Variants in FGF14 observed in about 807,000 individuals in gnomAD.
The protein encoded by FGF14 is fibroblast growth factor 14.
FGF14 carries 5 observed loss-of-function variants against 25.5 expected under a neutral mutation model. The observed-to-expected ratio is 0.20, with a 90% CI of 0.10 to 0.41. FGF14 has a LOEUF of 0.41. Among genes scored for constraint, FGF14 ranks in the 10% least tolerant of loss-of-function variants. FGF14 has a pLI of 1.00. For missense variants in FGF14, 222 were observed against 320.1 expected (o/e 0.69, Z 2.34); for synonymous variants, 138 against 118.3 (o/e 1.17, Z -1.08).
At chr13:101,818,299 AATC>A (rs1232074230) in intron 3 of FGF14, among the ~76,000 whole-genome samples, 1 of 152,232 alleles carries the variant, frequency 6.6e-6, no homozygotes, top group East Asian at 1.9e-4. Flanking sequence ...CTGATAAAGA[AATC>A]ATTATCAACC....
chr13:102,372,210 A>G (rs1040109129), intron 1 of FGF14, among the ~76,000 whole-genome samples: 3 of 152,194 alleles, frequency 2.0e-5, no homozygotes, highest in African/African-American at 7.2e-5. Flanking sequence ...CCTGCCCAAC[A>G]TCTAACCCCA....
chr13:101,758,389 T>C (rs1388198045), intron 3 of FGF14, among the ~76,000 whole-genome samples: 2 of 152,206 alleles, frequency 1.3e-5, no homozygotes, highest in Non-Finnish European at 2.9e-5. Flanking sequence ...GTGATGCTGA[T>C]GCTGTTTGTC....
At chr13:102,103,107 G>A (rs1020468239) in intron 1 of FGF14, among the ~76,000 whole-genome samples, 1 of 152,172 alleles carries the variant, frequency 6.6e-6, no homozygotes, top group Non-Finnish European at 1.5e-5. Context: ...TTTGCTGAGG[G>A]AGAGAGAGAA....
intron 1 of FGF14, among the ~76,000 whole-genome samples, chr13:102,087,824 C>G (rs58033984): frequency 0.022 from 3,390 of 151,888 alleles, 108 homozygotes; most frequent in African/African-American, 0.077. Flanking sequence ...TGTGCCTTCT[C>G]TGTGTCAGAT....
intron 3 of FGF14, among the ~76,000 whole-genome samples, chr13:101,794,485 G>C (rs751829437): frequency 1.3e-5 from 2 of 151,968 alleles, no homozygotes; most frequent in Admixed American, 6.6e-5. Flanking sequence ...CTTTTTCTAG[G>C]GCCAAATCGC....
chr13:101,785,536 A>G (rs1235498327), intron 3 of FGF14, among the ~76,000 whole-genome samples: 2 of 152,110 alleles, frequency 1.3e-5, no homozygotes, highest in African/African-American at 4.8e-5. Flanking sequence ...GCCATTCTTG[A>G]TATTACTAAC....
intron 3 of FGF14, among the ~76,000 whole-genome samples, chr13:101,829,790 G>T (rs1594403394): frequency 2.6e-5 from 4 of 152,074 alleles, no homozygotes; most frequent in African/African-American, 9.7e-5. Context: ...TAGCATTCCA[G>T]TAATTTTCAC....
chr13:102,240,617 T>C (rs768809489), intron 1 of FGF14, among the ~76,000 whole-genome samples: 3 of 152,136 alleles, frequency 2.0e-5, no homozygotes, highest in Non-Finnish European at 2.9e-5. Context: ...TCCTCAGCTA[T>C]GAACTACTCA....
intron 1 of FGF14, among the ~76,000 whole-genome samples, chr13:102,110,662 A>G (rs957089659): frequency 6.6e-6 from 1 of 152,026 alleles, no homozygotes; most frequent in Non-Finnish European, 1.5e-5. Context: ...ACATTCATTG[A>G]TTTCTCAATG....
At chr13:102,199,452 C>G (rs2049513175) in intron 1 of FGF14, among the ~76,000 whole-genome samples, 1 of 152,126 alleles carries the variant, frequency 6.6e-6, no homozygotes, top group South Asian at 2.1e-4. Context: ...ACCCAATGAG[C>G]CAGGTACTTT....
At chr13:101,910,177 G>A (rs541501101) in intron 1 of FGF14, among the ~76,000 whole-genome samples, 150 of 151,870 alleles carry the variant, frequency 9.9e-4, no homozygotes, top group Non-Finnish European at 1.9e-3. Flanking sequence ...ACACCAACAC[G>A]GCACATGTAT....
At chr13:102,315,692 G>C (rs1171650952) in intron 1 of FGF14, among the ~76,000 whole-genome samples, 1 of 152,082 alleles carries the variant, frequency 6.6e-6, no homozygotes, top group Non-Finnish European at 1.5e-5. Flanking sequence ...GGAATTTTCT[G>C]TCCCAAATAT....
chr13:101,957,880 C>A (rs372217008), intron 1 of FGF14, among the ~76,000 whole-genome samples: 7 of 151,994 alleles, frequency 4.6e-5, no homozygotes, highest in Admixed American at 3.3e-4. Context: ...TACTTCTTAT[C>A]CATCTGACTA....
chr13:102,345,785 A>G (rs1218677654), intron 1 of FGF14, among the ~76,000 whole-genome samples: 1 of 152,218 alleles, frequency 6.6e-6, no homozygotes, highest in African/African-American at 2.4e-5. Flanking sequence ...AACAAAGATT[A>G]TATATTCTAT....
rs554837847 is a variant in FGF14, at chr13:102,168,970, T to TA, written c.208+232500dup. Among the ~76,000 whole-genome samples the TA allele has an allele frequency of 9.2e-5, 14 of 151,590 alleles. No homozygotes were observed. In the South Asian group the frequency reaches 2.5e-3, roughly 27 times the overall value. ...ATAACATGGAGAATTAGAGCACAGTTAGATGCTAAATTATATCCAGAACAG... is the reference window on the plus strand; with the variant it reads ...ATAACATGGAGAATTAGAGCACAGTTAAGATGCTAAATTATATCCAGAACAG... On this transcript the variant is annotated intron_variant, in intron 1 of 4. Transcript: ENST00000376131.
intron 1 of FGF14, among the ~76,000 whole-genome samples, chr13:102,025,644 A>G (rs1221751862): frequency 6.6e-6 from 1 of 151,994 alleles, no homozygotes; most frequent in Non-Finnish European, 1.5e-5. Context: ...TCTGACCTCA[A>G]GTCATCTGCC....
intron 1 of FGF14, among the ~76,000 whole-genome samples, chr13:102,089,124 G>C (rs546752020): frequency 1.3e-5 from 2 of 152,236 alleles, no homozygotes; most frequent in East Asian, 3.9e-4. Flanking sequence ...AGAGTGTAGG[G>C]AAAACTAAGA....
chr13:101,774,793 C>T (rs1345929872), intron 3 of FGF14, among the ~76,000 whole-genome samples: 1 of 151,980 alleles, frequency 6.6e-6, no homozygotes, highest in African/African-American at 2.4e-5. Flanking sequence ...TGGCTCATGC[C>T]TGTAATCCCA....
intron 1 of FGF14, among the ~76,000 whole-genome samples, chr13:102,304,423 T>C (rs1244517672): frequency 2.0e-5 from 3 of 152,178 alleles, no homozygotes; most frequent in African/African-American, 7.2e-5. Flanking sequence ...ACGGGTTCTC[T>C]ATTCAACCCT....
Sources: gnomAD v4.1 joint callset for allele counts (sites outside exome capture counted in the v4.1 genomes callset) on GRCh38, gnomAD v4.1.1 for gene constraint, MANE v1.5 for transcripts, NCBI Gene and HGNC (gene_info 2026-07-23, HGNC 2026-07-21) for gene names.